Variants in TTC14 observed in about 807,000 individuals in gnomAD.
TTC14 encodes the protein tetratricopeptide repeat protein 14.
A neutral mutation model predicts 79.9 loss-of-function variants in TTC14; 63 were observed. The ratio of observed to expected loss-of-function variants is 0.79; its 90% CI spans 0.64 to 0.97. The LOEUF (loss-of-function observed/expected upper bound fraction) is 0.97. TTC14 is among the 50% of genes least tolerant of loss of function. TTC14 has a pLI of 0.00. For synonymous variants in TTC14, 335 were observed against 309.6 expected (o/e 1.08, Z -0.86); for missense variants, 895 against 894.0 (o/e 1.00, Z -0.01).
rs1278687387 is a variant in TTC14 at position 180,606,244 on chromosome 3, CTT to C, written c.930-4_930-3del. The stretch of plus-strand genomic sequence containing the variant: ...AGTGTTTGTGATGCTTTACAAATGT[CTT>C]TTTTAGTGTGAAGATCGGAGTTGAC... On this transcript the variant is annotated splice_region_variant and splice_polypyrimidine_tract_variant and intron_variant, in intron 7 of 11. Transcript: ENST00000296015. 6 of 1,613,182 alleles carry C rather than the reference CTT, an allele frequency of 3.7e-6. No individual in the cohort carries two copies. Among genetic ancestry groups the C allele is most frequent in the Non-Finnish European group, 5.1e-6 (6 of 1,179,752 alleles).
At chr3:180,616,667 A>G in intron 12 of TTC14, 1 of 1,592,100 alleles carries the variant, frequency 6.3e-7, no homozygotes, top group East Asian at 2.3e-5. Context: ...GTCTTTCAAA[A>G]GACGGATTTC....
exon 13 of TTC14, chr3:180,617,407 C>A: frequency 1.5e-6 from 1 of 655,860 alleles, no homozygotes; most frequent in Non-Finnish European, 2.8e-6. Flanking sequence ...AAAAAGTTAA[C>A]TATAAAACAG....
In TTC14 at chr3:180,616,268, AC is replaced by A; in HGVS notation, c.1775-1109del. The A allele has an allele frequency of 1.9e-6, 3 of 1,611,800 alleles. No homozygotes were observed. The highest frequency in any genetic ancestry group is 2.5e-6 in the Non-Finnish European group (3 of 1,178,472). On this transcript the variant is annotated intron_variant, in intron 12 of 12. Transcript: ENST00000382584. ...TGAGAGTTAAGCAGATTTTTTTTTA[AC>A]CCTCCGCTTACCTTGCTGATAGTGA... is the stretch of plus-strand genomic sequence containing the variant.
At chr3:180,602,695 C>A in intron 1 of TTC14, 196 bp from the exon 2 acceptor site, 1 of 733,958 alleles carries the variant, frequency 1.4e-6, no homozygotes, top group South Asian at 2.1e-5. Context: ...TTGGAGGCGT[C>A]ACTTTTTAAG....
Position 180,602,386 on chromosome 3 carries a change from C to A in TTC14, c.125C>A (p.Ala42Asp), listed in dbSNP as rs763931014. The A allele has an allele frequency of 2.5e-6, 4 of 1,609,660 alleles. No homozygotes were observed. The highest frequency in any genetic ancestry group is 1.3e-5 in the African/African-American group (1 of 75,026). Residue 42 changes from alanine to aspartate, a missense_variant, in exon 1 of 12, where the codon GCC becomes GAC. By Grantham distance (126) the Ala-to-Asp change is moderately radical (BLOSUM62 -2). Coordinates refer to ENST00000296015, the MANE Select transcript of TTC14 (RefSeq NM_133462.4). ...CTCCTGGGGTCGGCCGCCGAGCCAG[C>A]CCGGGGCCCGCCGCCCCAGCACCCG... ...RSLLGSAAEP[A>D]RGPPPQHPLQ...
chr3:180,609,962 C>G lies in TTC14; in HGVS notation c.1733C>G (p.Pro578Arg). Residue 578 changes from proline (P) to arginine (R), a missense_variant, in exon 12 of 12, where the codon CCT becomes CGT. Pro to Arg is a moderately radical substitution (Grantham distance 103). Coordinates refer to ENST00000296015, the MANE Select transcript of TTC14 (RefSeq NM_133462.4). ...CAGATAAAAGAGAAAGATAGATGCCCTCTCTCTTCATCTTCACTTGAAATA... is the reference window on the plus strand; with the variant it reads ...CAGATAAAAGAGAAAGATAGATGCCGTCTCTCTTCATCTTCACTTGAAATA... ...KTQIKEKDRC[P>R]LSSSSLEIPD... The G allele has an allele frequency of 6.2e-7, 1 of 1,614,044 alleles. No homozygotes were observed. The highest frequency in any genetic ancestry group is 8.5e-7 in the Non-Finnish European group (1 of 1,179,956).
At position 180,606,484 on chromosome 3, in the gene TTC14, T is replaced by C. The variant is rs926720827; in HGVS notation, c.1053T>C (p.Tyr351=). ...VEALVARGAL[Y]ATKGSLNKAI... is the part of the protein sequence containing the mutation. ...TATCTTTGTTTCATGTCTCTAGATATGCGACAAAAGGAAGTTTGAACAAAG... is the reference window on the plus strand; with the variant it reads ...TATCTTTGTTTCATGTCTCTAGATACGCGACAAAAGGAAGTTTGAACAAAG... Residue 351 remains tyrosine (Y), a synonymous_variant, in exon 9 of 12, where the codon TAT becomes TAC. Transcript: ENST00000296015. 3.7e-6 allele frequency: 6 copies of C among 1,613,836 alleles called. No homozygotes were observed. The highest frequency in any genetic ancestry group is 1.1e-5 in the South Asian group (1 of 91,010).
At chr3:180,604,039 CTG>C (rs1716533208) in intron 3 of TTC14, 184 bp from the exon 4 acceptor site, 1 of 603,162 alleles carries the variant, frequency 1.7e-6, no homozygotes, top group South Asian at 2.1e-5. Context: ...AGTTTTTTAA[CTG>C]AACCAGCAAA....
chr3:180,603,223 T>G lies in TTC14; in HGVS notation c.386T>G (p.Val129Gly). ...CGAGATATTGAGCGTGGTGATATAG[T>G]GATTGGAAGAATTAGTTCTATTCGG... ...FFRDIERGDIVIGRISSIREF... is the reference protein window; with the variant it reads ...FFRDIERGDIGIGRISSIREF... The change falls in exon 3 of 12, where the codon GTG becomes GGG. Residue 129 changes from valine to glycine, a missense_variant. Physicochemically the swap from Val to Gly is moderately radical, Grantham distance 109 (BLOSUM62 -3). Coordinates refer to ENST00000296015, the MANE Select transcript of TTC14 (RefSeq NM_133462.4). 1.9e-6 allele frequency: 3 copies of G among 1,614,120 alleles called. No homozygotes were observed. Among genetic ancestry groups the G allele is most frequent in the Non-Finnish European group, 2.5e-6 (3 of 1,180,014 alleles).
At chr3:180,606,986 G>C (rs999987828) in intron 9 of TTC14, among the ~76,000 whole-genome samples, 1 of 152,090 alleles carries the variant, frequency 6.6e-6, no homozygotes, top group African/African-American at 2.4e-5. Flanking sequence ...TGATGTCTTT[G>C]AGCTGAGTGA....
rs766163249 is a variant in TTC14, at chr3:180,610,351, A to C, written c.2122A>C (p.Asn708His). 6.2e-7 allele frequency: 1 copy of C among 1,613,086 alleles called. No individual in the cohort carries two copies. The highest frequency in any genetic ancestry group is 8.5e-7 in the Non-Finnish European group (1 of 1,179,698). Residue 708 changes from asparagine (N) to histidine (H), a missense_variant, in exon 12 of 12, where the codon AAT (asparagine) becomes CAT (histidine). Transcript: ENST00000296015. The part of the protein sequence containing the change: ...RHEQRYRLNT[N>H]QGEYEREDNY... ...TGAGCAAAGATACCGTTTAAATACA[A>C]ATCAAGGAGAATATGAAAGAGAGGA... is the stretch of plus-strand genomic sequence containing the variant.
chr3:180,611,246 C>CTTTT, downstream of TTC14: 1 of 833,680 alleles, frequency 1.2e-6, no homozygotes, highest in Non-Finnish European at 1.4e-6. Context: ...CCATAAAAAG[C>CTTTT]TTTTTAACTT....
downstream of TTC14, chr3:180,614,071 C>T: frequency 3.6e-6 from 1 of 278,236 alleles, no homozygotes; most frequent in Admixed American, 4.9e-5. Context: ...TCCAAGAGTA[C>T]AAAGTGTTGG....
chr3:180,606,832 T>C (rs1235566771), intron 9 of TTC14, among the ~76,000 whole-genome samples: 1 of 152,236 alleles, frequency 6.6e-6, no homozygotes, highest in Non-Finnish European at 1.5e-5. Context: ...CTGTTTGTGA[T>C]CACAAATTCC....
chr3:180,607,130 A>G (rs1288399172), intron 9 of TTC14, among the ~76,000 whole-genome samples: 1 of 152,176 alleles, frequency 6.6e-6, no homozygotes, highest in African/African-American at 2.4e-5. Flanking sequence ...TTTTCCTTCT[A>G]AGAACCCAAA....
At position 180,605,807 on chromosome 3, in the gene TTC14, A is replaced by G. The variant is rs1353746681; in HGVS notation, c.899A>G (p.Lys300Arg). 10 of 1,572,092 alleles carry G rather than the reference A, an allele frequency of 6.4e-6. No homozygotes were observed. Among genetic ancestry groups the G allele is most frequent in the Non-Finnish European group, 7.7e-6 (9 of 1,168,644 alleles). ...SEDDFASALR[K>R]KQSASWALKC... ...GATGATTTTGCTTCTGCATTGAGAA[A>G]AAAACAATCCGCATCTTGGGCTTTA... The change falls in exon 7 of 12, where the codon AAA becomes AGA. Residue 300 changes from lysine to arginine, a missense_variant. Lys to Arg is a conservative substitution (Grantham distance 26). Coordinates refer to ENST00000296015, the MANE Select transcript of TTC14 (RefSeq NM_133462.4).
chr3:180,610,374 G>C lies in TTC14; in HGVS notation c.2145G>C (p.Glu715Asp). ...LNTNQGEYER[E>D]DNYGEDIKTE... The stretch of plus-strand genomic sequence containing the variant: ...CAAATCAAGGAGAATATGAAAGAGA[G>C]GACAATTATGGGGAGGATATCAAAA... The change falls in exon 12 of 12, where the codon GAG (glutamate) becomes GAC (aspartate). Residue 715 changes from glutamate (E) to aspartate (D), a missense_variant. Glu to Asp is a conservative substitution (Grantham distance 45). Transcript: ENST00000296015. 1 of 1,613,140 alleles carries C rather than the reference G, an allele frequency of 6.2e-7. No homozygotes were observed. Among genetic ancestry groups the C allele is most frequent in the African/African-American group, 1.3e-5 (1 of 74,854 alleles).
intron 11 of TTC14, 149 bp from the exon 12 acceptor site, chr3:180,609,481 T>C: frequency 7.5e-7 from 1 of 1,325,202 alleles, no homozygotes; most frequent in African/African-American, 1.5e-5. Context: ...AATAGTAAAA[T>C]TAGATCTTGT....
downstream of TTC14, chr3:180,614,138 C>A (rs1416110685): frequency 1.8e-5 from 3 of 170,214 alleles, no homozygotes; most frequent in Non-Finnish European, 2.5e-5. Context: ...CAGTCTACCT[C>A]CAACTGTAAA....
Sources: allele counts gnomAD v4.1 joint callset (sites outside exome capture counted in the v4.1 genomes callset), GRCh38; gene constraint gnomAD v4.1.1; transcripts MANE v1.5; gene names NCBI Gene and HGNC (gene_info 2026-07-23, HGNC 2026-07-21).